TAF1B: variants seen among roughly 807,000 people sequenced by gnomAD.
TAF1B encodes TATA box-binding protein-associated factor RNA polymerase I subunit B.
In TAF1B, 61 loss-of-function variants were observed where a neutral mutation model predicts 83.9. The observed-to-expected ratio is 0.73, with a 90% CI of 0.59 to 0.90. TAF1B has a LOEUF of 0.90. Among genes scored for constraint, TAF1B ranks in the 40% least tolerant of loss-of-function variants. The probability of loss-of-function intolerance (pLI) is 0.00; values close to 1 mark genes in which losing one functional copy is unlikely to be tolerated. For synonymous variants in TAF1B, 221 were observed against 224.6 expected, an observed-to-expected ratio of 0.98 and a Z score of 0.14; for missense variants, 625 against 677.0, an observed-to-expected ratio of 0.92 and a Z score of 0.85.
intron 14 of TAF1B, 137 bp downstream of exon 14, chr2:9,919,957 G>C (rs992473051): frequency 9.0e-6 from 7 of 780,212 alleles, no homozygotes. Context: ...GTCTTGTGTA[G>C]GAGTTCTAGG....
intron 1 of TAF1B, chr2:9,843,790 G>T: frequency 2.0e-6 from 1 of 501,600 alleles, no homozygotes. Flanking sequence ...GGGGGAGGGA[G>T]GGTGTGGTGT....
chr2:9,862,779 G>A (rs1663819320), intron 5 of TAF1B, among the ~76,000 whole-genome samples: 1 of 152,148 alleles, frequency 6.6e-6, no homozygotes, highest in East Asian at 1.9e-4. Flanking sequence ...AAGAGAGTGG[G>A]GGCCAATATT....
intron 7 of TAF1B, 69 bp downstream of exon 7, chr2:9,876,087 A>G: frequency 6.9e-7 from 1 of 1,449,604 alleles, no homozygotes; most frequent in Non-Finnish European, 9.3e-7. Context: ...CAAACTTCGG[A>G]TATTTTGATT....
At position 9,904,963 on chromosome 2, in the gene TAF1B, C is replaced by G. The variant is rs750422692; in HGVS notation, c.912C>G (p.Pro304=). The change falls in exon 9 of 15, where the codon CCC becomes CCG. Residue 304 remains proline, a synonymous_variant. Transcript: ENST00000263663. ...PDITEDCYLH[P]NILCMKYLME... is the part of the protein sequence containing the mutation. ...TAACTGAAGACTGCTATCTTCATCC[C>G]AACATACTGTGTATGAAATACTTGA... is the stretch of plus-strand genomic sequence containing the variant. The G allele has an allele frequency of 1.7e-5, 28 of 1,612,408 alleles. No homozygotes were observed. The Admixed American group carries it at 4.3e-4, about 25-fold the overall frequency.
chr2:9,866,529 G>A (rs1017303504), intron 5 of TAF1B, among the ~76,000 whole-genome samples: 17 of 152,118 alleles, frequency 1.1e-4, no homozygotes, highest in Non-Finnish European at 2.5e-4. Flanking sequence ...TCAGTGTGGC[G>A]ATTCTTCAGG....
intron 6 of TAF1B, among the ~76,000 whole-genome samples, chr2:9,870,461 C>T (rs406546): frequency 0.93 from 142,275 of 152,272 alleles, 67,229 homozygotes; most frequent in East Asian, 1. Context: ...CACTCTAGCC[C>T]GGCCGACGGA....
intron 2 of TAF1B, among the ~76,000 whole-genome samples, chr2:9,847,574 G>A (rs762111743): frequency 5.9e-5 from 9 of 151,958 alleles, no homozygotes; most frequent in Non-Finnish European, 1.0e-4. Context: ...CTCCAGACAC[G>A]CTCTGCAATC....
At chr2:9,866,445 G>C (rs1364849384) in intron 5 of TAF1B, among the ~76,000 whole-genome samples, 1 of 151,554 alleles carries the variant, frequency 6.6e-6, no homozygotes, top group Non-Finnish European at 1.5e-5. Flanking sequence ...AACAGGTGCT[G>C]GAGAGGATGT....
At chr2:9,873,184 C>CT (rs2125149721) in intron 6 of TAF1B, among the ~76,000 whole-genome samples, 1 of 152,284 alleles carries the variant, frequency 6.6e-6, no homozygotes, top group Admixed American at 6.5e-5. Context: ...GTTCTGGGCA[C>CT]TGGGACATAA....
rs191763655 is a variant in TAF1B, at chr2:9,848,686, C to G, written c.118-687C>G. Among the ~76,000 whole-genome samples, 16 of 151,578 alleles carry G rather than the reference C, an allele frequency of 1.1e-4. 1 individual carries two copies. The East Asian group carries it at 2.9e-3, about 28-fold the overall frequency. On this transcript the variant is annotated intron_variant, in intron 2 of 14. Coordinates refer to ENST00000263663, the MANE Select transcript of TAF1B (RefSeq NM_005680.3). ...CCTCTCAAAAAAAAAAAGAAAAAGA[C>G]TCAATAATGGGAACATTTATTCTAC...
intron 8 of TAF1B, among the ~76,000 whole-genome samples, chr2:9,897,966 C>A (rs1282968679): frequency 6.6e-6 from 1 of 151,974 alleles, no homozygotes; most frequent in Non-Finnish European, 1.5e-5. Flanking sequence ...TGTTCCTGGC[C>A]CACTTCCCCC....
chr2:9,861,408 C>T (rs1419777290), intron 5 of TAF1B, among the ~76,000 whole-genome samples: 4 of 152,238 alleles, frequency 2.6e-5, no homozygotes, highest in Non-Finnish European at 4.4e-5. Context: ...GAGGGGCGCC[C>T]GCCATTGCCG....
In TAF1B at chr2:9,919,584, T is replaced by G. The variant is rs1459464423; in HGVS notation, c.1343-14T>G. On this transcript the variant is annotated splice_polypyrimidine_tract_variant and intron_variant, in intron 13 of 14. Transcript: ENST00000263663. ...TTACTTGTTATTTTGTTTCCTTTTT[T>G]TCTCCGGTTCCAGAAATGGTGGTGA... 2 of 1,606,304 alleles carry G rather than the reference T, an allele frequency of 1.2e-6. No individual in the cohort carries two copies. Among genetic ancestry groups the G allele is most frequent in the African/African-American group, 2.7e-5 (2 of 74,732 alleles).
chr2:9,903,600 T>A (rs1383257455), intron 8 of TAF1B, among the ~76,000 whole-genome samples: 1 of 152,230 alleles, frequency 6.6e-6, no homozygotes, highest in Non-Finnish European at 1.5e-5. Flanking sequence ...TGTGCGAGTT[T>A]AGTATAAAGT....
At chr2:9,863,810 A>C (rs960320060) in intron 5 of TAF1B, among the ~76,000 whole-genome samples, 4 of 152,246 alleles carry the variant, frequency 2.6e-5, no homozygotes, top group Non-Finnish European at 4.4e-5. Context: ...AAACTGCTCA[A>C]CTACATGGAA....
rs1383269026 is a variant in TAF1B, at chr2:9,911,659, C to G, written c.1180+102C>G. 4.3e-6 allele frequency: 3 copies of G among 703,356 alleles called. No homozygotes were observed. The East Asian group carries it at 9.4e-5, about 22-fold the overall frequency. The allele number at this position is 703,356 out of a possible 1,614,324, so 43.6% of individuals were successfully genotyped here. Reference sequence around the variant, plus strand: ...CAACTTTGAAAAATACACATATACACATAAACACATGTATACAAATTGTAT... The same window carrying G: ...CAACTTTGAAAAATACACATATACAGATAAACACATGTATACAAATTGTAT... On this transcript the variant is annotated intron_variant, in intron 11 of 14. Coordinates refer to ENST00000263663, the MANE Select transcript of TAF1B (RefSeq NM_005680.3).
At chr2:9,898,570 C>T (rs1315201885) in intron 8 of TAF1B, among the ~76,000 whole-genome samples, 2 of 152,096 alleles carry the variant, frequency 1.3e-5, no homozygotes, top group Non-Finnish European at 2.9e-5. Flanking sequence ...TATATGAAAA[C>T]AGTGAAAATC....
rs112784140 is a variant in TAF1B at position 9,857,736 on chromosome 2, G to C, written c.399+3315G>C. Among the ~76,000 whole-genome samples the C allele has an allele frequency of 7.2e-5, 11 of 152,304 alleles. No individual in the cohort carries two copies. The East Asian group carries it at 1.2e-3, about 16-fold the overall frequency. On this transcript the variant is annotated intron_variant, in intron 5 of 14. Coordinates refer to ENST00000263663, the MANE Select transcript of TAF1B (RefSeq NM_005680.3). ...CTTACATGGCAGCAGGAGAGACAGA[G>C]AGAGTGCGTGCGTGTGAGCAAGCCC... is the stretch of plus-strand genomic sequence containing the variant.
chr2:9,891,937 C>T (rs1252724099), intron 8 of TAF1B, among the ~76,000 whole-genome samples: 1 of 152,160 alleles, frequency 6.6e-6, no homozygotes, highest in Non-Finnish European at 1.5e-5. Flanking sequence ...TAATTTATTA[C>T]TGAAGAAAGC....
Sources: allele counts gnomAD v4.1 joint callset (sites outside exome capture counted in the v4.1 genomes callset), GRCh38; gene constraint gnomAD v4.1.1; transcripts MANE v1.5; gene names NCBI Gene and HGNC (gene_info 2026-07-23, HGNC 2026-07-21).